The following ALDH5A1 variants were observed in gnomAD, a reference collection of about 807,000 sequenced individuals.
ALDH5A1 encodes aldehyde dehydrogenase 5 family member A1, also known as succinate-semialdehyde dehydrogenase, mitochondrial.
In ALDH5A1, 33 loss-of-function variants were observed where a neutral mutation model predicts 54.7. The observed-to-expected ratio is 0.60, with a 90% CI of 0.46 to 0.81. ALDH5A1 has a LOEUF of 0.81. Ranked by LOEUF, ALDH5A1 falls within the 30% of genes least tolerant of loss-of-function variation. The pLI is 0.00. For synonymous variants in ALDH5A1, 294 were observed against 292.7 expected (o/e 1.00, Z -0.05); for missense variants, 657 against 711.0 (o/e 0.92, Z 0.86).
At chr6:24,525,050 T>A (rs556580158) in intron 7 of ALDH5A1, among the ~76,000 whole-genome samples, 2 of 152,220 alleles carry the variant, frequency 1.3e-5, no homozygotes, top group Middle Eastern at 6.8e-3. Context: ...GAGATTTCTT[T>A]TTTGCTGGAG....
Position 24,522,791 on chromosome 6 carries a change from T to G in ALDH5A1, c.1039T>G (p.Leu347Val). 1 of 1,614,060 alleles carries G rather than the reference T, an allele frequency of 6.2e-7. No homozygotes were observed. Among genetic ancestry groups the G allele is most frequent in the Non-Finnish European group, 8.5e-7 (1 of 1,179,990 alleles). Residue 347 changes from leucine (L) to valine (V), a missense_variant, in exon 7 of 10, where the codon TTG (leucine) becomes GTG (valine). Leu to Val is a conservative substitution (Grantham distance 32). This residue lies in a region of ALDH5A1 where 425 missense variants were observed against 516.4 expected (regional missense o/e 0.82). Transcript: ENST00000357578. ...GACTTGTGTTTGCTCAAACCAATTC[T>G]TGGTGCAAAGGGGCATCCATGATGC... ...GQTCVCSNQF[L>V]VQRGIHDAFV...
intron 4 of ALDH5A1, among the ~76,000 whole-genome samples, chr6:24,512,191 G>A (rs1246801242): frequency 6.6e-6 from 1 of 152,172 alleles, no homozygotes; most frequent in Non-Finnish European, 1.5e-5. Context: ...ACCATCTGTG[G>A]GTCTCTCAGC....
intron 4 of ALDH5A1, 96 bp from the exon 5 acceptor site, chr6:24,515,071 T>A (rs1301501375): frequency 3.7e-6 from 5 of 1,366,868 alleles, no homozygotes; most frequent in Non-Finnish European, 5.0e-6. Context: ...TCCATTACTT[T>A]TTGGGTTAAG....
chr6:24,522,501 G>GTGTGTGTGTGTGTGTGTGTA lies in ALDH5A1; in HGVS notation c.1015-263_1015-262insGTGTGTGTGTGTGTGTATGT, dbSNP rs1554137632. 31 of 362,362 alleles carry GTGTGTGTGTGTGTGTGTGTA rather than the reference G, an allele frequency of 8.6e-5. 2 individuals are homozygous for GTGTGTGTGTGTGTGTGTGTA. The highest frequency in any genetic ancestry group is 2.0e-3 in the Middle Eastern group (2 of 1,020). 22.4% of individuals were successfully genotyped at this position (362,362 alleles called of 1,614,324 possible). On this transcript the variant is annotated intron_variant, in intron 6 of 9. Transcript: ENST00000357578. ...TTCGTGTGTGTGTGTGTGTGTGTGT[G>GTGTGTGTGTGTGTGTGTGTA]TGTACAGGTGCTTATTGCCAACTAA...
intron 5 of ALDH5A1, 26 bp downstream of exon 5, chr6:24,515,336 A>G: frequency 3.1e-6 from 5 of 1,611,054 alleles, no homozygotes; most frequent in Admixed American, 1.7e-5. Context: ...TTCAAAGAAA[A>G]CAAATGTCTT....
rs1332351163 is a variant in ALDH5A1, at chr6:24,505,204, T to C, written c.726+219T>C. ...TCTGACATCTGCAGGCCATATGTTT[T>C]CAGCCTACTGTAAAATGGTATCTAT... On this transcript the variant is annotated intron_variant, in intron 4 of 9. Coordinates refer to ENST00000357578, the MANE Select transcript of ALDH5A1 (RefSeq NM_001080.3). Among the ~76,000 whole-genome samples the C allele has an allele frequency of 2.0e-5, 3 of 152,256 alleles. No individual in the cohort carries two copies. In the East Asian group the frequency reaches 5.8e-4, roughly 29 times the overall value.
intron 5 of ALDH5A1, among the ~76,000 whole-genome samples, chr6:24,519,936 A>G (rs1210804177): frequency 1.3e-5 from 2 of 151,638 alleles, no homozygotes; most frequent in African/African-American, 4.9e-5. Flanking sequence ...ACTTACTTAT[A>G]TGGTTGAAAA....
At position 24,495,089 on chromosome 6, in the gene ALDH5A1, G is replaced by A. The variant is rs920257954; in HGVS notation, c.93G>A (p.Leu31=). 2.3e-6 allele frequency: 3 copies of A among 1,321,700 alleles called. No homozygotes were observed. Among genetic ancestry groups the A allele is most frequent in the Non-Finnish European group, 2.9e-6 (3 of 1,039,924 alleles). The allele number at this position is 1,321,700 out of a possible 1,614,324, so 81.9% of individuals were successfully genotyped here. Residue 31 remains leucine, a synonymous_variant, in exon 1 of 10, where the codon CTG becomes CTA. Transcript: ENST00000357578. The part of the protein sequence containing the change: ...GCRLRPRAGG[L]VPASGPAPGP... The stretch of plus-strand genomic sequence containing the variant: ...GCCTCCGCCCCCGCGCCGGCGGCCT[G>A]GTCCCTGCCTCCGGGCCTGCGCCCG...
intron 4 of ALDH5A1, among the ~76,000 whole-genome samples, chr6:24,507,545 T>TA (rs1168642285): frequency 6.6e-6 from 1 of 152,036 alleles, no homozygotes; most frequent in Non-Finnish European, 1.5e-5. Context: ...TTTGAGTCCA[T>TA]ACTCTAGGTA....
Position 24,534,094 on chromosome 6 carries a change from T to A in ALDH5A1, c.*382T>A, listed in dbSNP as rs1759992765. On this transcript the variant is annotated 3_prime_UTR_variant, in exon 10 of 10. Coordinates refer to ENST00000357578, the MANE Select transcript of ALDH5A1 (RefSeq NM_001080.3). ...CCATCCCCCATGTCGCTACAGAACA[T>A]GGGCCCAGAGCACCTTGAAGGAGAC... 3.8e-6 allele frequency: 1 copy of A among 266,116 alleles called. No individual in the cohort carries two copies. The highest frequency in any genetic ancestry group is 9.3e-5 in the East Asian group (1 of 10,696). The allele number at this position is 266,116 out of a possible 1,614,324, so 16.5% of individuals were successfully genotyped here.
Position 24,495,026 on chromosome 6 carries a change from T to C in ALDH5A1, c.30T>C (p.Cys10=). Residue 10 remains cysteine, a synonymous_variant, in exon 1 of 10, where the codon TGT becomes TGC. Coordinates refer to ENST00000357578, the MANE Select transcript of ALDH5A1 (RefSeq NM_001080.3). MATCIWLRS[C]GARRLGSTFP... is the part of the protein sequence containing the mutation. The stretch of plus-strand genomic sequence containing the variant: ...CGACCTGCATTTGGCTGCGGAGCTG[T>C]GGGGCCCGGCGCCTCGGGTCGACGT... 1 of 1,343,244 alleles carries C rather than the reference T, an allele frequency of 7.4e-7. No homozygotes were observed. The highest frequency in any genetic ancestry group is 2.3e-5 in the South Asian group (1 of 43,278). The allele number at this position is 1,343,244 out of a possible 1,614,324, so 83.2% of individuals were successfully genotyped here.
At chr6:24,508,370 A>AT (rs1759397623) in intron 4 of ALDH5A1, among the ~76,000 whole-genome samples, 1 of 39,778 alleles carries the variant, frequency 2.5e-5, no homozygotes, top group Non-Finnish European at 8.0e-5. Flanking sequence ...CCAAAAAAAA[A>AT]AAAAAAAAAA....
In ALDH5A1 at chr6:24,533,772, C is replaced by T; in HGVS notation, c.*60C>T. 6.9e-7 allele frequency: 1 copy of T among 1,452,462 alleles called. No individual in the cohort carries two copies. Among genetic ancestry groups the T allele is most frequent in the Admixed American group, 1.8e-5 (1 of 54,712 alleles). The allele number at this position is 1,452,462 out of a possible 1,614,324, so 90.0% of individuals were successfully genotyped here. A position where few individuals can be genotyped will look rare whatever the true frequency, so the allele number is the denominator to read the frequency against. On this transcript the variant is annotated 3_prime_UTR_variant, in exon 10 of 10. Coordinates refer to ENST00000357578, the MANE Select transcript of ALDH5A1 (RefSeq NM_001080.3). ...ACTTATCTACATATATAGGTACATG[C>T]CATCCATTATTTTAAATAAACTAAT...
Position 24,536,089 on chromosome 6 carries a change from A to C in ALDH5A1, c.*2377A>C, listed in dbSNP as rs1760042342. 6.6e-6 allele frequency: 1 copy of C among 152,198 alleles called. No individual in the cohort carries two copies. Among genetic ancestry groups the C allele is most frequent in the Non-Finnish European group, 1.5e-5 (1 of 68,040 alleles). 9.4% of individuals were successfully genotyped at this position (152,198 alleles called of 1,614,324 possible). A position where few individuals can be genotyped will look rare whatever the true frequency, so the allele number is the denominator to read the frequency against. On this transcript the variant is annotated 3_prime_UTR_variant, in exon 10 of 10. Coordinates refer to ENST00000357578, the MANE Select transcript of ALDH5A1 (RefSeq NM_001080.3). The stretch of plus-strand genomic sequence containing the variant: ...CTTGGTTGTGGGAAGAAAGAGAATT[A>C]TTTTTAACTGAACGTTTTTGTTGTT...
At chr6:24,497,200 C>T (rs942580739) in intron 1 of ALDH5A1, among the ~76,000 whole-genome samples, 13 of 152,050 alleles carry the variant, frequency 8.5e-5, no homozygotes, top group Admixed American at 3.3e-4. Context: ...GTGGGTGGGG[C>T]GTGGTGGCCA....
At chr6:24,497,563 G>GCTAGCTACAGGGTGCTGATTGGTGTGT (rs1554136011) in intron 1 of ALDH5A1, among the ~76,000 whole-genome samples, 2 of 152,142 alleles carry the variant, frequency 1.3e-5, no homozygotes, top group Non-Finnish European at 2.9e-5. Context: ...CAATCCTCTT[G>GCTAGCTACAGGGTGCTGATTGGTGTGT]TAAGACAGAA....
intron 5 of ALDH5A1, among the ~76,000 whole-genome samples, chr6:24,517,512 TAGAA>T (rs1246172738): frequency 3.9e-5 from 6 of 152,178 alleles, no homozygotes; most frequent in Non-Finnish European, 8.8e-5. Context: ...ACGAAGTAGT[TAGAA>T]AGAAAGAGGG....
At chr6:24,504,298 G>A (rs545394572) in intron 3 of ALDH5A1, among the ~76,000 whole-genome samples, 1 of 152,278 alleles carries the variant, frequency 6.6e-6, no homozygotes, top group Non-Finnish European at 1.5e-5. Context: ...ATATAATAGA[G>A]TTTTTCAAAA....
rs990853732 is a variant in ALDH5A1 at position 24,534,220 on chromosome 6, G to A, written c.*508G>A. 7 of 166,274 alleles carry A rather than the reference G, an allele frequency of 4.2e-5. No homozygotes were observed. The highest frequency in any genetic ancestry group is 1.1e-4 in the Admixed American group (2 of 18,096). The allele number at this position is 166,274 out of a possible 1,614,324, so 10.3% of individuals were successfully genotyped here. On this transcript the variant is annotated 3_prime_UTR_variant, in exon 10 of 10. Coordinates refer to ENST00000357578, the MANE Select transcript of ALDH5A1 (RefSeq NM_001080.3). ...CCGAATGTGCATCTGGAGGTGTTGCGGCAGAGGTTTGAGTGAACCCTCTTT... is the reference window on the plus strand; with the variant it reads ...CCGAATGTGCATCTGGAGGTGTTGCAGCAGAGGTTTGAGTGAACCCTCTTT...
Sources: gnomAD v4.1 joint callset for allele counts (sites outside exome capture counted in the v4.1 genomes callset) on GRCh38, gnomAD v4.1.1 for gene constraint, gnomAD v4.1.1 regional missense constraint, MANE v1.5 for transcripts, NCBI Gene and HGNC (gene_info 2026-07-23, HGNC 2026-07-21) for gene names.